Variants in PBX3 observed in about 807,000 individuals in gnomAD.
PBX3 encodes the protein PBX homeobox 3.
Under a neutral mutation model 48.5 loss-of-function variants are expected in PBX3, and 14 were observed. That is an observed-to-expected ratio of 0.29 (90% CI 0.19 to 0.45). The LOEUF (loss-of-function observed/expected upper bound fraction) is 0.45. PBX3 is among the 20% of genes least tolerant of loss of function. The pLI is 1.00. For missense variants in PBX3, 386 were observed against 546.7 expected, an observed-to-expected ratio of 0.71 and a Z score of 2.93; for synonymous variants, 210 against 200.3, an observed-to-expected ratio of 1.05 and a Z score of -0.41.
At chr9:125,754,078 T>C (rs1377618462) in intron 2 of PBX3, among the ~76,000 whole-genome samples, 1 of 152,098 alleles carries the variant, frequency 6.6e-6, no homozygotes, top group Non-Finnish European at 1.5e-5. Flanking sequence ...CCCTGAGGTA[T>C]CTATTTAGAA....
intron 3 of PBX3, among the ~76,000 whole-genome samples, chr9:125,929,345 T>C (rs902422173): frequency 6.6e-6 from 1 of 152,178 alleles, no homozygotes; most frequent in Non-Finnish European, 1.5e-5. Flanking sequence ...TTAACATATA[T>C]TTTTACTTGT....
At chr9:125,780,964 C>A (rs1480539778) in intron 2 of PBX3, among the ~76,000 whole-genome samples, 1 of 97,134 alleles carries the variant, frequency 1.0e-5, no homozygotes, top group African/African-American at 4.6e-5. Context: ...GACGGGGTTG[C>A]GGCCGGGCAG....
At chr9:125,839,684 A>G (rs774105256) in intron 2 of PBX3, among the ~76,000 whole-genome samples, 1 of 152,152 alleles carries the variant, frequency 6.6e-6, no homozygotes, top group Non-Finnish European at 1.5e-5. Flanking sequence ...GATGTTTTGG[A>G]TATGTATAGT....
chr9:125,942,401 T>A (rs1427921686), intron 5 of PBX3, among the ~76,000 whole-genome samples: 1 of 152,242 alleles, frequency 6.6e-6, no homozygotes, highest in Non-Finnish European at 1.5e-5. Flanking sequence ...GTTAGTAGTC[T>A]GAGGTCTCTT....
At chr9:125,774,693 AGTGCT>A (rs757784508) in intron 2 of PBX3, among the ~76,000 whole-genome samples, 19 of 151,810 alleles carry the variant, frequency 1.3e-4, no homozygotes, top group Non-Finnish European at 1.6e-4. Context: ...TATTGTGAAT[AGTGCT>A]GTTCAGAATG....
intron 5 of PBX3, among the ~76,000 whole-genome samples, chr9:125,942,660 G>A (rs1452848603): frequency 6.6e-6 from 1 of 152,170 alleles, no homozygotes. Context: ...TATGCAGTTG[G>A]TAAACCAGAA....
At chr9:125,881,932 C>G (rs1840391448) in intron 2 of PBX3, among the ~76,000 whole-genome samples, 1 of 151,644 alleles carries the variant, frequency 6.6e-6, no homozygotes, top group African/African-American at 2.4e-5. Flanking sequence ...TGGTTTATGC[C>G]TATAGTCTCT....
intron 2 of PBX3, among the ~76,000 whole-genome samples, chr9:125,896,653 A>G (rs1270554003): frequency 6.6e-6 from 1 of 152,058 alleles, no homozygotes. Flanking sequence ...TAAATACAGA[A>G]GAGGCTGTAA....
intron 2 of PBX3, among the ~76,000 whole-genome samples, chr9:125,857,138 A>G (rs1034629721): frequency 2.6e-5 from 4 of 152,198 alleles, no homozygotes; most frequent in African/African-American, 9.6e-5. Context: ...TTTAAACTAT[A>G]TATAGGAAGG....
At chr9:125,864,610 G>T (rs920487083) in intron 2 of PBX3, among the ~76,000 whole-genome samples, 1 of 152,190 alleles carries the variant, frequency 6.6e-6, no homozygotes, top group Non-Finnish European at 1.5e-5. Context: ...TTAGATTCTT[G>T]TAAGGAGCGT....
At chr9:125,923,808 C>T (rs1228003681) in intron 3 of PBX3, among the ~76,000 whole-genome samples, 2 of 151,958 alleles carry the variant, frequency 1.3e-5, no homozygotes, top group Non-Finnish European at 2.9e-5. Context: ...TCAAACATTC[C>T]TCCTGCCTCG....
chr9:125,900,664 A>G (rs1291039636), intron 2 of PBX3, among the ~76,000 whole-genome samples: 1 of 151,762 alleles, frequency 6.6e-6, no homozygotes, highest in Non-Finnish European at 1.5e-5. Flanking sequence ...AGCGAAAGCA[A>G]ATGAGTTTTG....
intron 2 of PBX3, among the ~76,000 whole-genome samples, chr9:125,893,988 C>T (rs1024800494): frequency 6.6e-6 from 1 of 151,780 alleles, no homozygotes; most frequent in Non-Finnish European, 1.5e-5. Flanking sequence ...GTAAAGCTGG[C>T]AAAATGTTTT....
intron 2 of PBX3, among the ~76,000 whole-genome samples, chr9:125,856,816 G>A (rs1259890841): frequency 6.6e-6 from 1 of 152,144 alleles, no homozygotes; most frequent in Non-Finnish European, 1.5e-5. Context: ...AATTATCAAA[G>A]ACAGAATATT....
intron 3 of PBX3, among the ~76,000 whole-genome samples, chr9:125,922,886 T>C (rs1040746394): frequency 6.6e-6 from 1 of 152,242 alleles, no homozygotes; most frequent in Non-Finnish European, 1.5e-5. Context: ...TGCATCTTTC[T>C]TAAGGGTGTA....
chr9:125,832,396 C>T (rs1424760454), intron 2 of PBX3, among the ~76,000 whole-genome samples: 1 of 152,098 alleles, frequency 6.6e-6, no homozygotes, highest in Non-Finnish European at 1.5e-5. Context: ...GGGGTTTCAC[C>T]ATTTTAGCCA....
chr9:125,920,797 C>T (rs145571044), intron 3 of PBX3, among the ~76,000 whole-genome samples: 3 of 152,310 alleles, frequency 2.0e-5, no homozygotes, highest in South Asian at 2.1e-4. Context: ...AAGGAATACA[C>T]TGAATGTGCT....
chr9:125,747,733 C>T (rs1219423914), intron 1 of PBX3, 80 bp downstream of exon 1: 8 of 1,155,248 alleles, frequency 6.9e-6, no homozygotes, highest in Middle Eastern at 2.1e-4. Context: ...GGGGTGGCGC[C>T]CGGGGCTAGG....
intron 3 of PBX3, among the ~76,000 whole-genome samples, chr9:125,922,674 G>T (rs1841481918): frequency 6.6e-6 from 1 of 152,112 alleles, no homozygotes; most frequent in Admixed American, 6.6e-5. Flanking sequence ...GTTAATATGT[G>T]GTTGGGTGGC....
Sources: gnomAD v4.1 joint callset for allele counts (sites outside exome capture counted in the v4.1 genomes callset) on GRCh38, gnomAD v4.1.1 for gene constraint, MANE v1.5 for transcripts, NCBI Gene and HGNC (gene_info 2026-07-23, HGNC 2026-07-21) for gene names.